The following SMYD5 variants were observed in gnomAD, a reference collection of about 807,000 sequenced individuals.
SMYD5 encodes protein-lysine N-trimethyltransferase SMYD5.
Under a neutral mutation model 57.4 loss-of-function variants are expected in SMYD5, and 35 were observed. That is an observed-to-expected ratio of 0.61 (90% CI 0.47 to 0.81). The LOEUF is 0.81. Among genes scored for constraint, SMYD5 ranks in the 30% least tolerant of loss-of-function variants. SMYD5 has a pLI of 0.00. For synonymous variants in SMYD5, 198 were observed against 189.7 expected, an observed-to-expected ratio of 1.04 and a Z score of -0.36; for missense variants, 471 against 527.9, an observed-to-expected ratio of 0.89 and a Z score of 1.06.
In SMYD5 at chr2:73,226,999, C is replaced by T; in HGVS notation, c.*1053C>T. ...GGGTTGGATGCTATGGGAATTACAA[C>T]CCATCACTCCCAATGCCTCCCTTTC... On this transcript the variant is annotated 3_prime_UTR_variant, in exon 13 of 13. Coordinates refer to ENST00000389501, the MANE Select transcript of SMYD5 (RefSeq NM_006062.3). 1 of 152,858 alleles carries T rather than the reference C, an allele frequency of 6.5e-6. No individual in the cohort carries two copies. The allele number at this position is 152,858 out of a possible 1,614,324, so 9.5% of individuals were successfully genotyped here.
chr2:73,223,351 A>T, intron 8 of SMYD5, 75 bp from the exon 9 acceptor site: 1 of 1,056,860 alleles, frequency 9.5e-7, no homozygotes, highest in Non-Finnish European at 1.5e-6. Flanking sequence ...TCCTGGGCTT[A>T]ACTTACCTGG....
chr2:73,226,054 C>T lies in SMYD5; in HGVS notation c.*108C>T. The T allele has an allele frequency of 7.2e-7, 1 of 1,395,014 alleles. No homozygotes were observed. The highest frequency in any genetic ancestry group is 9.6e-7 in the Non-Finnish European group (1 of 1,045,126). The allele number at this position is 1,395,014 out of a possible 1,614,324, so 86.4% of individuals were successfully genotyped here. A position where few individuals can be genotyped will look rare whatever the true frequency, so the allele number is the denominator to read the frequency against. ...CTTCCCACTCCCATTGCCTGCTTTC[C>T]CCATTCCAGCCCTCTCTGCTAGAGG... On this transcript the variant is annotated 3_prime_UTR_variant, in exon 13 of 13. Transcript: ENST00000389501.
intron 1 of SMYD5, among the ~76,000 whole-genome samples, chr2:73,217,234 G>A (rs761602669): frequency 2.0e-5 from 3 of 152,174 alleles, no homozygotes; most frequent in Non-Finnish European, 4.4e-5. Context: ...ACAAGCATGA[G>A]CCACTGCGCC....
chr2:73,221,073 G>A, intron 4 of SMYD5, 92 bp from the exon 5 acceptor site: 3 of 1,160,788 alleles, frequency 2.6e-6, no homozygotes, highest in South Asian at 1.2e-5. Context: ...GGAATTGGTA[G>A]GAAGTTTTCT....
At position 73,226,355 on chromosome 2, in the gene SMYD5, C is replaced by G. The variant is rs1574343284; in HGVS notation, c.*409C>G. 1 of 171,366 alleles carries G rather than the reference C, an allele frequency of 5.8e-6. No homozygotes were observed. Among genetic ancestry groups the G allele is most frequent in the Admixed American group, 5.6e-5 (1 of 17,852 alleles). 10.6% of individuals were successfully genotyped at this position (171,366 alleles called of 1,614,324 possible). The stretch of plus-strand genomic sequence containing the variant: ...TTCTTTTGAGGGGTAAAAGAAAGAC[C>G]GAGTTCATTGAAGCAGAGATGGGAG... On this transcript the variant is annotated 3_prime_UTR_variant, in exon 13 of 13. Coordinates refer to ENST00000389501, the MANE Select transcript of SMYD5 (RefSeq NM_006062.3).
chr2:73,219,950 AG>A (rs1173726582), intron 2 of SMYD5, 100 bp from the exon 3 acceptor site: 5 of 1,397,844 alleles, frequency 3.6e-6, no homozygotes, highest in Non-Finnish European at 4.1e-6. Flanking sequence ...ATGAAACACT[AG>A]AATGGTGCCT....
At chr2:73,221,029 T>C (rs183589161) in intron 4 of SMYD5, 136 bp from the exon 5 acceptor site, 1 of 884,258 alleles carries the variant, frequency 1.1e-6, no homozygotes, top group East Asian at 2.6e-5. Flanking sequence ...AAGTCTTGCC[T>C]AAGTCCTTGT....
chr2:73,218,919 G>A lies in SMYD5; in HGVS notation c.155G>A (p.Arg52Gln), dbSNP rs1026721037. Residue 52 changes from arginine to glutamine, a missense_variant, in exon 2 of 13, where the codon CGG becomes CAG. Physicochemically the swap from Arg to Gln is conservative, Grantham distance 43 (BLOSUM62 1). Transcript: ENST00000389501. ...IRKGETIFVE[R>Q]PLVAAQFLWN... ...AAGGGGGAGACCATCTTCGTAGAAC[G>A]GCCCCTGGTGGCTGCACAGTTTCTC... 28 of 1,613,988 alleles carry A rather than the reference G, an allele frequency of 1.7e-5. No homozygotes were observed. The East Asian group carries it at 5.3e-4, about 31-fold the overall frequency.
At position 73,223,101 on chromosome 2, in the gene SMYD5, G is replaced by A; in HGVS notation, c.771G>A (p.Gly257=). 1 of 1,613,752 alleles carries A rather than the reference G, an allele frequency of 6.2e-7. No homozygotes were observed. Residue 257 remains glycine (G), a synonymous_variant, in exon 8 of 13, where the codon GGG becomes GGA. Coordinates refer to ENST00000389501, the MANE Select transcript of SMYD5 (RefSeq NM_006062.3). ...ALVGTNGQGI[G]TSSLSQWVHA... is the part of the protein sequence containing the mutation. ...TTGGGACCAATGGCCAAGGAATCGGGACCAGGTTAGAATGTTCCAGAGCTA... is the reference window on the plus strand; with the variant it reads ...TTGGGACCAATGGCCAAGGAATCGGAACCAGGTTAGAATGTTCCAGAGCTA...
At chr2:73,214,711 A>G (rs1419206197) in intron 1 of SMYD5, 7 of 1,366,262 alleles carry the variant, frequency 5.1e-6, no homozygotes, top group South Asian at 3.7e-5. Flanking sequence ...CTGAGGTGTA[A>G]AAGAGGGAGT....
At position 73,220,048 on chromosome 2, in the gene SMYD5, C is replaced by G. The variant is rs142352890; in HGVS notation, c.206-3C>G. 6.2e-7 allele frequency: 1 copy of G among 1,614,088 alleles called. No homozygotes were observed. The highest frequency in any genetic ancestry group is 8.5e-7 in the Non-Finnish European group (1 of 1,180,024). On this transcript the variant is annotated splice_polypyrimidine_tract_variant and splice_region_variant and intron_variant, in intron 2 of 12. Transcript: ENST00000389501. ...TATTGTTGTGTCTGGCTCTCACCGT[C>G]AGCCTGTGACCACTGCCTTAGGGCA...
At position 73,220,221 on chromosome 2, in the gene SMYD5, GGGGT is replaced by G. The variant is rs758743288; in HGVS notation, c.345+37_345+40del. 3 of 1,610,492 alleles carry G rather than the reference GGGGT, an allele frequency of 1.9e-6. No homozygotes were observed. In the African/African-American group the frequency reaches 4.0e-5, roughly 22 times the overall value. ...TATTCTTGGGGAGTGTACCTGGAAG[GGGGT>G]GGGTGAGGGAGGCCTTAGCTGGAGT... On this transcript the variant is annotated intron_variant, in intron 3 of 12. Transcript: ENST00000389501.
chr2:73,217,104 A>G (rs1050073270), intron 1 of SMYD5, among the ~76,000 whole-genome samples: 7 of 152,060 alleles, frequency 4.6e-5, no homozygotes, highest in Admixed American at 4.6e-4. Flanking sequence ...GGTGAACACC[A>G]CCATGTCCAG....
Position 73,220,676 on chromosome 2 carries a change from G to A in SMYD5, c.361G>A (p.Ala121Thr), listed in dbSNP as rs1453205710. 1 of 1,614,078 alleles carries A rather than the reference G, an allele frequency of 6.2e-7. No homozygotes were observed. Among genetic ancestry groups the A allele is most frequent in the Non-Finnish European group, 8.5e-7 (1 of 1,180,034 alleles). ...CPHCQVMYCS[A>T]ECRLAATEQY... ...CACCTAACAGGTGATGTACTGCAGT[G>A]CAGAATGTCGGTTGGCAGCCACTGA... is the stretch of plus-strand genomic sequence containing the variant. Residue 121 changes from alanine to threonine, a missense_variant, in exon 4 of 13, where the codon GCA (alanine) becomes ACA (threonine). Coordinates refer to ENST00000389501, the MANE Select transcript of SMYD5 (RefSeq NM_006062.3).
At chr2:73,215,185 G>A (rs1686271223) in intron 1 of SMYD5, among the ~76,000 whole-genome samples, 1 of 152,202 alleles carries the variant, frequency 6.6e-6, no homozygotes, top group African/African-American at 2.4e-5. Flanking sequence ...AAAAGTCTTA[G>A]AGCTCATTTT....
chr2:73,214,570 C>A, intron 1 of SMYD5: 1 of 1,493,802 alleles, frequency 6.7e-7, no homozygotes, highest in Non-Finnish European at 8.9e-7. Flanking sequence ...CCGGAGTCTC[C>A]GTGCGCATTT....
At chr2:73,221,297 CTT>C in intron 5 of SMYD5, 63 bp downstream of exon 5, 2 of 1,322,072 alleles carry the variant, frequency 1.5e-6, no homozygotes, top group Non-Finnish European at 2.2e-6. Flanking sequence ...TGGTCTCAGT[CTT>C]TTCCTCACCT....
chr2:73,218,906 A>G lies in SMYD5; in HGVS notation c.142A>G (p.Ile48Val). 1.2e-6 allele frequency: 2 copies of G among 1,614,154 alleles called. No individual in the cohort carries two copies. Among genetic ancestry groups the G allele is most frequent in the Non-Finnish European group, 1.7e-6 (2 of 1,180,018 alleles). The change falls in exon 2 of 13, where the codon ATC (isoleucine) becomes GTC (valine). Residue 48 changes from isoleucine (I) to valine (V), a missense_variant. Physicochemically the swap from Ile to Val is conservative, Grantham distance 29 (BLOSUM62 3). Coordinates refer to ENST00000389501, the MANE Select transcript of SMYD5 (RefSeq NM_006062.3). The stretch of plus-strand genomic sequence containing the variant: ...ACAGCTCATCCGGAAGGGGGAGACC[A>G]TCTTCGTAGAACGGCCCCTGGTGGC... The part of the protein sequence containing the change: ...ATQLIRKGET[I>V]FVERPLVAAQ...
intron 2 of SMYD5, 56 bp from the exon 3 acceptor site, chr2:73,219,995 G>T: frequency 6.2e-7 from 1 of 1,612,042 alleles, no homozygotes; most frequent in African/African-American, 1.3e-5. Context: ...GGCTGTGAAA[G>T]GGATAGATGT....
Sources: allele counts gnomAD v4.1 joint callset (sites outside exome capture counted in the v4.1 genomes callset), GRCh38; gene constraint gnomAD v4.1.1; transcripts MANE v1.5; gene names NCBI Gene and HGNC (gene_info 2026-07-23, HGNC 2026-07-21).